MBD5: variants seen among roughly 807,000 people sequenced by gnomAD.
MBD5 encodes methyl-CpG-binding domain protein 5.
A neutral mutation model predicts 117.3 loss-of-function variants in MBD5; 13 were observed. The observed-to-expected ratio is 0.11, with a 90% CI of 0.07 to 0.18. MBD5 has a LOEUF of 0.18. MBD5 is among the 10% of genes least tolerant of loss of function. The pLI is 1.00. For synonymous variants in MBD5, 727 were observed against 766.4 expected (o/e 0.95, Z 0.85); for missense variants, 1,879 against 2,093.8 (o/e 0.90, Z 2.00).
chr2:148,278,334 C>A (rs1701162425), intron 3 of MBD5, among the ~76,000 whole-genome samples: 1 of 152,074 alleles, frequency 6.6e-6, no homozygotes, highest in South Asian at 2.1e-4. Context: ...GAAAGGAATG[C>A]TCTATTTTTT....
chr2:148,158,751 G>T (rs1697931638), intron 1 of MBD5, among the ~76,000 whole-genome samples: 1 of 152,026 alleles, frequency 6.6e-6, no homozygotes, highest in African/African-American at 2.4e-5. Context: ...ACGGAGTCTC[G>T]CTGTGTCTGC....
At chr2:148,503,640 G>C (rs943009024) in intron 12 of MBD5, among the ~76,000 whole-genome samples, 6 of 152,066 alleles carry the variant, frequency 3.9e-5, no homozygotes, top group Non-Finnish European at 8.8e-5. Flanking sequence ...TCTATGTCCC[G>C]GACTCCTTTA....
chr2:148,326,045 T>G (rs1288887139), intron 3 of MBD5, among the ~76,000 whole-genome samples: 1 of 152,226 alleles, frequency 6.6e-6, no homozygotes, highest in Non-Finnish European at 1.5e-5. Context: ...GTCTTTGTTC[T>G]CATTGGTTTC....
At chr2:148,239,778 G>C (rs1419249583) in intron 3 of MBD5, among the ~76,000 whole-genome samples, 1 of 150,904 alleles carries the variant, frequency 6.6e-6, no homozygotes, top group Non-Finnish European at 1.5e-5. Flanking sequence ...CATGAACGTG[G>C]CTCAGTGCAG....
At chr2:148,174,245 A>G (rs150643790) in intron 1 of MBD5, among the ~76,000 whole-genome samples, 1 of 152,310 alleles carries the variant, frequency 6.6e-6, no homozygotes, top group Non-Finnish European at 1.5e-5. Context: ...AAAGCTGGAT[A>G]TCCACATATA....
At chr2:148,188,281 T>G (rs4972336) in intron 2 of MBD5, among the ~76,000 whole-genome samples, 120,341 of 152,154 alleles carry the variant, frequency 0.79, 48,945 homozygotes, top group East Asian at 0.9. Flanking sequence ...AGGCTATTAT[T>G]TAAAATTGGG....
At chr2:148,486,843 C>G (rs536964048) in intron 10 of MBD5, among the ~76,000 whole-genome samples, 1 of 152,224 alleles carries the variant, frequency 6.6e-6, no homozygotes, top group South Asian at 2.1e-4. Flanking sequence ...TACTGTTGGT[C>G]TGATTATATG....
chr2:148,171,177 TA>T (rs1698253851), intron 1 of MBD5, among the ~76,000 whole-genome samples: 1 of 152,086 alleles, frequency 6.6e-6, no homozygotes. Context: ...CAAGGACATT[TA>T]AAAAAAGAAA....
intron 1 of MBD5, among the ~76,000 whole-genome samples, chr2:148,093,119 C>A (rs895575926): frequency 1.3e-5 from 2 of 152,114 alleles, no homozygotes; most frequent in Non-Finnish European, 2.9e-5. Context: ...CCATGTTGGT[C>A]AGGCTGGTCT....
chr2:148,357,184 A>T lies in MBD5; in HGVS notation c.-557+14848A>T, dbSNP rs114532419. Among the ~76,000 whole-genome samples the T allele has an allele frequency of 9.0e-3, 1,373 of 152,308 alleles. 22 individuals are homozygous for T. The highest frequency in any genetic ancestry group is 0.032 in the African/African-American group (1,317 of 41,566). ...TACTCTACATGAGACACTGTTTAAAATTGACATTTTGTACCACTTTCCTAA... is the reference window on the plus strand; with the variant it reads ...TACTCTACATGAGACACTGTTTAAATTTGACATTTTGTACCACTTTCCTAA... On this transcript the variant is annotated intron_variant, in intron 4 of 13. Coordinates refer to ENST00000642680, the MANE Select transcript of MBD5 (RefSeq NM_001378120.1).
intron 3 of MBD5, among the ~76,000 whole-genome samples, chr2:148,341,840 T>C (rs1489716655): frequency 1.4e-5 from 2 of 145,550 alleles, no homozygotes; most frequent in Non-Finnish European, 3.1e-5. Context: ...ATAAATATTG[T>C]TGAATAAATA....
chr2:148,222,018 C>G (rs1303758238), intron 2 of MBD5, among the ~76,000 whole-genome samples: 1 of 152,088 alleles, frequency 6.6e-6, no homozygotes, highest in Non-Finnish European at 1.5e-5. Context: ...AAGAGACTGT[C>G]TTTTCCACGG....
chr2:148,140,816 C>A (rs188960776), intron 1 of MBD5, among the ~76,000 whole-genome samples: 21 of 151,470 alleles, frequency 1.4e-4, no homozygotes, highest in African/African-American at 5.1e-4. Context: ...GGCTGGAGTG[C>A]AGGCAGTGGT....
intron 8 of MBD5, among the ~76,000 whole-genome samples, chr2:148,478,763 G>A (rs147268608): frequency 7.3e-4 from 111 of 152,238 alleles, no homozygotes; most frequent in African/African-American, 2.6e-3. Flanking sequence ...GGTGCTGCTG[G>A]CCAGTGTGAA....
chr2:148,278,363 T>C (rs1464513816), intron 3 of MBD5, among the ~76,000 whole-genome samples: 1 of 152,176 alleles, frequency 6.6e-6, no homozygotes, highest in Admixed American at 6.5e-5. Context: ...GTTGTATATA[T>C]ATAGCTGATA....
chr2:148,292,636 AG>A (rs1701525701), intron 3 of MBD5, among the ~76,000 whole-genome samples: 1 of 152,212 alleles, frequency 6.6e-6, no homozygotes, highest in South Asian at 2.1e-4. Flanking sequence ...AAGTTAGTAC[AG>A]CCACTATGGA....
intron 4 of MBD5, among the ~76,000 whole-genome samples, chr2:148,399,927 G>T (rs962350923): frequency 6.6e-6 from 1 of 151,934 alleles, no homozygotes; most frequent in African/African-American, 2.4e-5. Flanking sequence ...GGTTTTTTTC[G>T]TTGGTCCTGT....
chr2:148,045,664 A>C (rs1437000950), intron 1 of MBD5, among the ~76,000 whole-genome samples: 1 of 152,178 alleles, frequency 6.6e-6, no homozygotes, highest in Non-Finnish European at 1.5e-5. Context: ...TATAACTGGT[A>C]AATAAACAAC....
At chr2:148,213,866 A>C (rs1368745964) in intron 2 of MBD5, among the ~76,000 whole-genome samples, 6 of 152,134 alleles carry the variant, frequency 3.9e-5, no homozygotes, top group Non-Finnish European at 2.9e-5. Flanking sequence ...TTTAGCCAGC[A>C]ATCTGTGAGT....
Sources: gnomAD v4.1 joint callset for allele counts (sites outside exome capture counted in the v4.1 genomes callset) on GRCh38, gnomAD v4.1.1 for gene constraint, MANE v1.5 for transcripts, NCBI Gene and HGNC (gene_info 2026-07-23, HGNC 2026-07-21) for gene names.